THRB: variants seen among roughly 807,000 people sequenced by gnomAD.
THRB encodes the protein thyroid hormone receptor beta.
THRB carries 12 observed loss-of-function variants against 47.8 expected under a neutral mutation model. The observed-to-expected ratio is 0.25, with a 90% CI of 0.16 to 0.41. THRB has a LOEUF of 0.41. Among genes scored for constraint, THRB ranks in the 10% least tolerant of loss-of-function variants. The pLI is 1.00. For synonymous variants in THRB, 218 were observed against 212.2 expected (o/e 1.03, Z -0.24); for missense variants, 348 against 589.2 (o/e 0.59, Z 4.24).
chr3:24,249,548 AACC>A (rs2050448666), intron 3 of THRB, among the ~76,000 whole-genome samples: 1 of 133,424 alleles, frequency 7.5e-6, no homozygotes, highest in African/African-American at 3.6e-5. Flanking sequence ...GCTTACCTCT[AACC>A]CAGAACTTAA....
rs57275069 is a variant in THRB at position 24,254,199 on chromosome 3, T to TAA, written c.-42-25200_-42-25199dup. On this transcript the variant is annotated intron_variant, in intron 3 of 10. Transcript: ENST00000646209. ...TAACACAGTGAAACCCTGTCTCTACTAAAAAAAAAAAAAAAAAAAAAAAAA... is the reference window on the plus strand; with the variant it reads ...TAACACAGTGAAACCCTGTCTCTACTAAAAAAAAAAAAAAAAAAAAAAAAAAA... Among the ~76,000 whole-genome samples, 18 of 34,616 alleles carry TAA rather than the reference T, an allele frequency of 5.2e-4. 2 individuals carry two copies. Among genetic ancestry groups the TAA allele is most frequent in the East Asian group, 1.6e-3 (2 of 1,224 alleles). The allele number at this position is 34,616 out of a possible 152,430, so 22.7% of individuals were successfully genotyped here.
intron 4 of THRB, among the ~76,000 whole-genome samples, chr3:24,219,873 C>T (rs2046979213): frequency 2.6e-5 from 4 of 152,174 alleles, no homozygotes; most frequent in Admixed American, 1.3e-4. Flanking sequence ...ATTCTGATCC[C>T]ACCACCAAGT....
intron 5 of THRB, chr3:24,165,526 G>T: frequency 1.7e-6 from 1 of 572,910 alleles, no homozygotes; most frequent in South Asian, 2.3e-5. Context: ...AACCCAGCCT[G>T]CTTTACTTTG....
chr3:24,321,305 T>C (rs1408671205), intron 2 of THRB, among the ~76,000 whole-genome samples: 3 of 152,138 alleles, frequency 2.0e-5, no homozygotes. Flanking sequence ...CTTCATCTGG[T>C]TTCCACATCC....
intron 3 of THRB, among the ~76,000 whole-genome samples, chr3:24,263,440 A>C (rs1049748545): frequency 6.6e-6 from 1 of 152,144 alleles, no homozygotes; most frequent in Non-Finnish European, 1.5e-5. Flanking sequence ...TCAGATCCTA[A>C]AGTCCACGCT....
intron 3 of THRB, among the ~76,000 whole-genome samples, chr3:24,246,899 T>C (rs1576282976): frequency 6.6e-6 from 1 of 152,314 alleles, no homozygotes; most frequent in East Asian, 1.9e-4. Flanking sequence ...TGATTTTACC[T>C]ACTATAAACA....
chr3:24,331,408 T>C (rs906653000), intron 2 of THRB, among the ~76,000 whole-genome samples: 1 of 152,204 alleles, frequency 6.6e-6, no homozygotes, highest in Admixed American at 6.5e-5. Flanking sequence ...CTTCTTATGA[T>C]GACTTCCTAC....
rs183557578 is a variant in THRB, at chr3:24,322,412, A to G, written c.-189+14888T>C. On this transcript the variant is annotated intron_variant, in intron 2 of 10. Transcript: ENST00000646209. ...AGTATCATTTTCTTTGGTTAATATA[A>G]TCTATATCCACCAAATAACAAAGAG... Among the ~76,000 whole-genome samples, 526 of 152,316 alleles carry G rather than the reference A, an allele frequency of 3.5e-3. 3 individuals are homozygous for G. Among genetic ancestry groups the G allele is most frequent in the African/African-American group, 0.011 (451 of 41,570 alleles).
At chr3:24,301,203 T>A (rs563788796) in intron 2 of THRB, among the ~76,000 whole-genome samples, 4 of 152,338 alleles carry the variant, frequency 2.6e-5, no homozygotes, top group African/African-American at 9.6e-5. Context: ...GATTTCAAAC[T>A]TCTTCTCCCC....
Position 24,403,468 on chromosome 3 carries a change from T to C in THRB, c.-260-66097A>G, listed in dbSNP as rs147828401. ...AAATTCTGGGGGACTCCAAGCCTCT[T>C]GTAGGATATCTGTGAGGCCAAAATT... On this transcript the variant is annotated intron_variant, in intron 1 of 10. Coordinates refer to ENST00000646209, the MANE Select transcript of THRB (RefSeq NM_001354712.2). 3.5e-3 allele frequency among the ~76,000 whole-genome samples: 539 copies of C among 152,074 alleles called. 7 individuals carry two copies. The highest frequency in any genetic ancestry group is 0.012 in the African/African-American group (496 of 41,536).
At chr3:24,131,514 C>T (rs1042021891) in intron 9 of THRB, among the ~76,000 whole-genome samples, 3 of 152,198 alleles carry the variant, frequency 2.0e-5, no homozygotes, top group Non-Finnish European at 4.4e-5. Context: ...ACTAGCATAT[C>T]AGGTACCCTG....
chr3:24,430,838 G>A (rs2070318172), intron 1 of THRB: 1 of 152,070 alleles, frequency 6.6e-6, no homozygotes, highest in African/African-American at 2.4e-5. Context: ...CATTTACAAG[G>A]GCATCCAGGG....
intron 3 of THRB, among the ~76,000 whole-genome samples, chr3:24,276,545 GTGAAGGTA>G (rs1395679319): frequency 8.5e-5 from 13 of 152,180 alleles, no homozygotes; most frequent in African/African-American, 3.1e-4. Flanking sequence ...TGCCTCATTG[GTGAAGGTA>G]TGAGGAAATG....
chr3:24,307,537 T>C (rs902884740), intron 2 of THRB, among the ~76,000 whole-genome samples: 4 of 152,168 alleles, frequency 2.6e-5, no homozygotes, highest in Non-Finnish European at 5.9e-5. Context: ...GATATAACAT[T>C]AAATATTTAA....
chr3:24,345,366 G>C (rs1052284317), intron 1 of THRB, among the ~76,000 whole-genome samples: 1 of 152,050 alleles, frequency 6.6e-6, no homozygotes, highest in Admixed American at 6.6e-5. Flanking sequence ...AGGAGCAATA[G>C]CAGAATCTGG....
intron 3 of THRB, among the ~76,000 whole-genome samples, chr3:24,236,471 T>C (rs926177475): frequency 6.6e-6 from 1 of 152,182 alleles, no homozygotes; most frequent in Non-Finnish European, 1.5e-5. Flanking sequence ...ATCATCATTA[T>C]TATAGATGAT....
At chr3:24,189,333 C>T (rs1324398723) in intron 5 of THRB, among the ~76,000 whole-genome samples, 1 of 151,940 alleles carries the variant, frequency 6.6e-6, no homozygotes, top group Non-Finnish European at 1.5e-5. Context: ...ATTAAATGAA[C>T]TTAGACATTT....
chr3:24,285,188 T>A (rs543866003), intron 3 of THRB, among the ~76,000 whole-genome samples: 1 of 149,104 alleles, frequency 6.7e-6, no homozygotes, highest in Non-Finnish European at 1.5e-5. Flanking sequence ...AACCCAAATG[T>A]CCAACAATGA....
chr3:24,473,800 A>G (rs1158148730), intron 1 of THRB, among the ~76,000 whole-genome samples: 1 of 152,214 alleles, frequency 6.6e-6, no homozygotes, highest in Non-Finnish European at 1.5e-5. Context: ...GACATAGATG[A>G]AGCTGGAAAC....
Sources: gnomAD v4.1 joint callset for allele counts (sites outside exome capture counted in the v4.1 genomes callset) on GRCh38, gnomAD v4.1.1 for gene constraint, MANE v1.5 for transcripts, NCBI Gene and HGNC (gene_info 2026-07-23, HGNC 2026-07-21) for gene names.